Variants in TSC2 observed in about 807,000 individuals in gnomAD.
TSC2 encodes the protein TSC complex subunit 2, also known as tuberin.
Under a neutral mutation model 202.2 loss-of-function variants are expected in TSC2, and 29 were observed. That is an observed-to-expected ratio of 0.14 (90% CI 0.11 to 0.20). The LOEUF (loss-of-function observed/expected upper bound fraction) is 0.20, where lower values mean the gene tolerates loss of function less well. Among genes scored for constraint, TSC2 ranks in the 10% least tolerant of loss-of-function variants. The pLI, the probability that TSC2 is intolerant of heterozygous loss-of-function variation, is 1.00. For synonymous variants in TSC2, 1,349 were observed against 1,044.0 expected, an observed-to-expected ratio of 1.29 and a Z score of -5.63; for missense variants, 2,429 against 2,420.0, an observed-to-expected ratio of 1.00 and a Z score of -0.08.
intron 25 of TSC2, chr16:2,076,789 G>C: frequency 1.7e-6 from 1 of 598,134 alleles, no homozygotes; most frequent in Non-Finnish European, 3.0e-6. Context: ...GGTCCGGGCT[G>C]CGTGTGCCAC....
chr16:2,062,663 C>T (rs2086789473), intron 13 of TSC2, 63 bp downstream of exon 13: 2 of 1,516,020 alleles, frequency 1.3e-6, no homozygotes, highest in African/African-American at 1.4e-5. Flanking sequence ...GTCTGGGGCC[C>T]ACCCGGGCTG....
At chr16:2,057,228 G>A (rs553199290) in intron 9 of TSC2, 50 bp downstream of exon 9, 24 of 1,547,504 alleles carry the variant, frequency 1.6e-5, no homozygotes, top group African/African-American at 5.5e-5. Context: ...CACAGCCCTC[G>A]GGGCAGCTCC....
intron 5 of TSC2, 35 bp from the exon 6 acceptor site, chr16:2,055,367 G>A (rs760883303): frequency 1.2e-5 from 19 of 1,561,054 alleles, no homozygotes; most frequent in South Asian, 5.6e-5. Flanking sequence ...ATGTAGATTC[G>A]GCGTCCTCGC....
rs768511587 is a variant in TSC2, at chr16:2,064,277, G to A, written c.1449G>A (p.Glu483=). ...LLINRQFYEE[E]LINSVVISQL... ...CCTCCCTTGTGCCTGTGCAGGAGGA[G>A]CTGATTAACTCAGTGGTCATCTCGC... The change falls in exon 15 of 42, where the codon GAG becomes GAA. Residue 483 remains glutamate, a synonymous_variant. Coordinates refer to ENST00000219476, the MANE Select transcript of TSC2 (RefSeq NM_000548.5). The A allele has an allele frequency of 1.1e-5, 17 of 1,613,850 alleles. No individual in the cohort carries two copies. The South Asian group carries it at 1.8e-4, about 17-fold the overall frequency.
In TSC2 at chr16:2,058,871, C is replaced by G. The variant is rs397515097; in HGVS notation, c.973C>G (p.Gln325Glu). ...GACATCTGTGTTGCCATCATTTTACCAGGTAAGGCGGTTTCTGTGTGCAGT... is the reference window on the plus strand; with the variant it reads ...GACATCTGTGTTGCCATCATTTTACGAGGTAAGGCGGTTTCTGTGTGCAGT... The part of the protein sequence containing the change: ...SPTSVLPSFY[Q>E]AMACPNEVVS... Residue 325 changes from glutamine (Q) to glutamate (E), a missense_variant and splice_region_variant, in exon 10 of 42, where the codon CAG (glutamine) becomes GAG (glutamate). Coordinates refer to ENST00000219476, the MANE Select transcript of TSC2 (RefSeq NM_000548.5). 3 of 1,607,778 alleles carry G rather than the reference C, an allele frequency of 1.9e-6. No homozygotes were observed. Among genetic ancestry groups the G allele is most frequent in the Non-Finnish European group, 2.5e-6 (3 of 1,177,288 alleles).
At position 2,079,495 on chromosome 16, in the gene TSC2, C is replaced by T. The variant is rs1306644801; in HGVS notation, c.3285-62C>T. On this transcript the variant is annotated intron_variant, in intron 28 of 41. Coordinates refer to ENST00000219476, the MANE Select transcript of TSC2 (RefSeq NM_000548.5). The surrounding 1 kb of genome is among the most constrained non-coding windows in gnomAD (Gnocchi z 4.6). Reference sequence around the variant, plus strand: ...ACCGGCTGTCCCGAGCCCAGGCCCACGTGGCACCCTCGTACCAGCCTGGGG... The same window carrying T: ...ACCGGCTGTCCCGAGCCCAGGCCCATGTGGCACCCTCGTACCAGCCTGGGG... 5.0e-6 allele frequency: 8 copies of T among 1,608,564 alleles called. No individual in the cohort carries two copies. The highest frequency in any genetic ancestry group is 1.7e-5 in the Admixed American group (1 of 59,268).
chr16:2,083,333 G>C (rs866526595), intron 32 of TSC2: 36 of 455,536 alleles, frequency 7.9e-5, no homozygotes, highest in Non-Finnish European at 1.2e-4. Context: ...AGCTCTCCTC[G>C]GTTACGAGGG....
intron 32 of TSC2, 61 bp downstream of exon 32, chr16:2,082,565 T>G (rs992398692): frequency 3.0e-5 from 47 of 1,585,114 alleles, no homozygotes; most frequent in South Asian, 1.4e-4. Flanking sequence ...ATAGGTGCTG[T>G]GCTCGTCGCC....
At chr16:2,082,333 C>A in intron 31 of TSC2, 103 bp from the exon 32 acceptor site, 3 of 1,398,190 alleles carry the variant, frequency 2.1e-6, no homozygotes, top group Non-Finnish European at 3.0e-6. Flanking sequence ...CGGCCGCTGG[C>A]CCTGCCCTCT....
intron 7 of TSC2, 142 bp from the exon 8 acceptor site, chr16:2,056,502 C>T: frequency 7.5e-7 from 1 of 1,328,578 alleles, no homozygotes; most frequent in Non-Finnish European, 1.0e-6. Flanking sequence ...GCCCGCTTGC[C>T]CTGTGGCTTG....
At chr16:2,054,761 C>A in intron 5 of TSC2, 2 of 461,594 alleles carry the variant, frequency 4.3e-6, no homozygotes, top group Non-Finnish European at 8.0e-6. Context: ...TGGTCTCAAC[C>A]GGAGCGTACT....
chr16:2,053,661 G>A, intron 4 of TSC2: 1 of 679,980 alleles, frequency 1.5e-6, no homozygotes, highest in Non-Finnish European at 2.7e-6. Context: ...CCTGTAAACA[G>A]ATGGTCACTG....
rs771098638 is a variant in TSC2, at chr16:2,085,238, C to T, written c.4578C>T (p.Ser1526=). 3 of 1,612,758 alleles carry T rather than the reference C, an allele frequency of 1.9e-6. No individual in the cohort carries two copies. Among genetic ancestry groups the T allele is most frequent in the South Asian group, 1.1e-5 (1 of 91,086 alleles). ...GGCTCTGTGTGCCACAGTCACAGTC[C>T]TTTGAGCGGTCGGTGCAGCTCCTCG... ...KPILLPNESQ[S]FERSVQLLDQ... Residue 1526 remains serine, a synonymous_variant, in exon 36 of 42, where the codon TCC becomes TCT. Transcript: ENST00000219476.
At position 2,079,799 on chromosome 16, in the gene TSC2, C is replaced by T. The variant is rs1035510228; in HGVS notation, c.3397+130C>T. On this transcript the variant is annotated intron_variant, in intron 29 of 41. Coordinates refer to ENST00000219476, the MANE Select transcript of TSC2 (RefSeq NM_000548.5). The surrounding 1 kb of genome is among the most constrained non-coding windows in gnomAD (Gnocchi z 4.6). Reference sequence around the variant, plus strand: ...GCTTCAGGCCCGGCCCACGTCCTGACTCTGGGGTGAGCCTTCCACAGCTCA... The same window carrying T: ...GCTTCAGGCCCGGCCCACGTCCTGATTCTGGGGTGAGCCTTCCACAGCTCA... The T allele has an allele frequency of 4.4e-6, 4 of 905,798 alleles. No homozygotes were observed. Among genetic ancestry groups the T allele is most frequent in the Admixed American group, 2.7e-5 (1 of 36,512 alleles). The allele number at this position is 905,798 out of a possible 1,614,324, so 56.1% of individuals were successfully genotyped here.
At chr16:2,080,536 C>A (rs776706562) in intron 30 of TSC2, 159 bp downstream of exon 30, 2 of 809,178 alleles carry the variant, frequency 2.5e-6, no homozygotes, top group Non-Finnish European at 1.9e-6. Flanking sequence ...CACGCTGGAA[C>A]GCAGTGGCGC....
rs753106654 is a variant in TSC2 at position 2,076,250 on chromosome 16, A to G, written c.2742+80A>G. On this transcript the variant is annotated intron_variant, in intron 24 of 41. Transcript: ENST00000219476. ...CCCTTGGCTGTCCATGGTCGGGCAGAGTGACAGGCAGGTGGAGGGCAGTGG... is the reference window on the plus strand; with the variant it reads ...CCCTTGGCTGTCCATGGTCGGGCAGGGTGACAGGCAGGTGGAGGGCAGTGG... 2.5e-6 allele frequency: 4 copies of G among 1,595,100 alleles called. No individual in the cohort carries two copies. The African/African-American group carries it at 4.0e-5, about 16-fold the overall frequency.
chr16:2,082,353 A>G lies in TSC2; in HGVS notation c.3815-83A>G, dbSNP rs542478171. ...GCTGGCCCTGCCCTCTCTCCTCTGC[A>G]GGCACGGGGCCTGTGCTCTCTGCTC... is the stretch of plus-strand genomic sequence containing the variant. On this transcript the variant is annotated intron_variant, in intron 31 of 41. Transcript: ENST00000219476. The G allele has an allele frequency of 1.7e-5, 26 of 1,506,378 alleles. No homozygotes were observed. The East Asian group carries it at 2.9e-4, about 17-fold the overall frequency. The allele number at this position is 1,506,378 out of a possible 1,614,324, so 93.3% of individuals were successfully genotyped here. A position where few individuals can be genotyped will look rare whatever the true frequency, so the allele number is the denominator to read the frequency against.
chr16:2,073,019 G>A (rs772431563), intron 21 of TSC2, 36 bp downstream of exon 21: 1 of 1,612,866 alleles, frequency 6.2e-7, no homozygotes, highest in South Asian at 1.1e-5. Flanking sequence ...AGCTTGATGG[G>A]GCCTGGGATT....
rs1424149998 is a variant in TSC2 at position 2,079,717 on chromosome 16, A to C, written c.3397+48A>C. The C allele has an allele frequency of 2.6e-5, 40 of 1,526,074 alleles. No individual in the cohort carries two copies. The highest frequency in any genetic ancestry group is 3.3e-5 in the Non-Finnish European group (37 of 1,131,732). The allele number at this position is 1,526,074 out of a possible 1,614,324, so 94.5% of individuals were successfully genotyped here. A position where few individuals can be genotyped will look rare whatever the true frequency, so the allele number is the denominator to read the frequency against. On this transcript the variant is annotated intron_variant, in intron 29 of 41. Transcript: ENST00000219476. The surrounding 1 kb of genome is among the most constrained non-coding windows in gnomAD (Gnocchi z 4.6). ...TCCACACAGGCACCGGGGCTCCCTC[A>C]GTTGCTGCTGGTCCCAGTGTTCAGG... is the stretch of plus-strand genomic sequence containing the variant.
Sources: gnomAD v4.1 joint callset for allele counts on GRCh38, gnomAD v4.1.1 for gene constraint, Gnocchi (gnomAD v3.1) non-coding constraint, MANE v1.5 for transcripts, NCBI Gene and HGNC (gene_info 2026-07-23, HGNC 2026-07-21) for gene names.